Variants in KCMF1 observed in about 807,000 individuals in gnomAD.
The protein encoded by KCMF1 is E3 ubiquitin-protein ligase KCMF1.
In KCMF1, 3 loss-of-function variants were observed where a neutral mutation model predicts 41.1. That is an observed-to-expected ratio of 0.07 (90% CI 0.03 to 0.19). The LOEUF is 0.19. KCMF1 is among the 10% of genes least tolerant of loss of function. KCMF1 has a pLI of 1.00. For missense variants in KCMF1, 286 were observed against 488.9 expected, an observed-to-expected ratio of 0.58 and a Z score of 3.91; for synonymous variants, 142 against 164.5, an observed-to-expected ratio of 0.86 and a Z score of 1.04.
chr2:85,004,134 A>C (rs938853870), intron 1 of KCMF1, among the ~76,000 whole-genome samples: 1 of 152,196 alleles, frequency 6.6e-6, no homozygotes, highest in Non-Finnish European at 1.5e-5. Flanking sequence ...AGGTAGTTTA[A>C]AACTTATGAA....
At chr2:85,038,886 A>T (rs1452486440) in intron 3 of KCMF1, among the ~76,000 whole-genome samples, 3 of 152,060 alleles carry the variant, frequency 2.0e-5, no homozygotes, top group South Asian at 2.1e-4. Flanking sequence ...ATACCAATTT[A>T]AAAAAAATAT....
At chr2:85,033,202 A>G (rs943798190) in intron 2 of KCMF1, among the ~76,000 whole-genome samples, 44 of 152,366 alleles carry the variant, frequency 2.9e-4, no homozygotes, top group African/African-American at 9.4e-4. Context: ...CTCCCTAAAA[A>G]TGAATATGAA....
chr2:85,042,030 G>C (rs1019085457), intron 3 of KCMF1, among the ~76,000 whole-genome samples: 1 of 152,132 alleles, frequency 6.6e-6, no homozygotes, highest in African/African-American at 2.4e-5. Context: ...TTCTGACAGA[G>C]GAAAGAATCT....
chr2:85,053,337 A>T lies in KCMF1; in HGVS notation c.1074A>T (p.Leu358Phe). Residue 358 changes from leucine to phenylalanine, a missense_variant, in exon 7 of 7, where the codon TTA becomes TTT. This residue lies in a region of KCMF1 where 191 missense variants were observed against 279.3 expected (regional missense o/e 0.68). Coordinates refer to ENST00000409785, the MANE Select transcript of KCMF1 (RefSeq NM_020122.5). ...GAMGCVDIMP[L>F]DVALENLNLK... is the part of the protein sequence containing the mutation. ...TGGGCTGTGTAGATATTATGCCTTT[A>T]GATGTTGCTTTAGAAAACCTAAATT... 1 of 1,613,758 alleles carries T rather than the reference A, an allele frequency of 6.2e-7. No homozygotes were observed.
Position 85,049,523 on chromosome 2 carries a change from C to T in KCMF1, c.759C>T (p.Asn253=), listed in dbSNP as rs11554335. 4.2e-4 allele frequency: 672 copies of T among 1,614,032 alleles called. 6 individuals carry two copies. The African/African-American group carries it at 7.4e-3, about 18-fold the overall frequency. Residue 253 remains asparagine, a synonymous_variant, in exon 6 of 7, where the codon AAC becomes AAT. Coordinates refer to ENST00000409785, the MANE Select transcript of KCMF1 (RefSeq NM_020122.5). ...AARQQLETAR[N]ATRRTNTSSV... Reference sequence around the variant, plus strand: ...GGCAACAACTGGAGACCGCACGCAACGCAACCCGGCGTACTAACACAAGCA... The same window carrying T: ...GGCAACAACTGGAGACCGCACGCAATGCAACCCGGCGTACTAACACAAGCA...
intron 1 of KCMF1, among the ~76,000 whole-genome samples, chr2:85,025,714 TTC>T: frequency 6.6e-6 from 1 of 152,176 alleles, no homozygotes; most frequent in East Asian, 1.9e-4. Context: ...GTTCAAGTGA[TTC>T]TCTTCCCTCA....
chr2:84,992,574 A>G (rs1465579201), intron 1 of KCMF1, among the ~76,000 whole-genome samples: 1 of 151,792 alleles, frequency 6.6e-6, no homozygotes, highest in Non-Finnish European at 1.5e-5. Context: ...GCTGTCTACC[A>G]TCCTTATAAA....
intron 1 of KCMF1, among the ~76,000 whole-genome samples, chr2:84,997,017 A>G (rs1161170090): frequency 6.6e-6 from 1 of 152,230 alleles, no homozygotes; most frequent in Non-Finnish European, 1.5e-5. Context: ...GTAGGTAATT[A>G]TAACAGAATA....
intron 1 of KCMF1, among the ~76,000 whole-genome samples, chr2:85,010,980 A>T (rs886780324): frequency 6.6e-6 from 1 of 151,698 alleles, no homozygotes; most frequent in Non-Finnish European, 1.5e-5. Context: ...AGTAGCTGGG[A>T]CTATAGGCGC....
intron 1 of KCMF1, among the ~76,000 whole-genome samples, chr2:85,027,438 C>T (rs1010233716): frequency 7.2e-6 from 1 of 138,114 alleles, no homozygotes; most frequent in East Asian, 2.2e-4. Flanking sequence ...TGCAGTGGCG[C>T]GATCTCAGCT....
intron 1 of KCMF1, among the ~76,000 whole-genome samples, chr2:84,988,390 A>G (rs1035581597): frequency 7.2e-5 from 11 of 152,238 alleles, no homozygotes; most frequent in African/African-American, 2.7e-4. Flanking sequence ...TTTCACATGT[A>G]CCAACTCATT....
At position 85,056,097 on chromosome 2, in the gene KCMF1, T is replaced by C. The variant is rs1325401557; in HGVS notation, c.*2688T>C. The C allele has an allele frequency of 6.7e-6, 1 of 150,144 alleles. No homozygotes were observed. Among genetic ancestry groups the C allele is most frequent in the Non-Finnish European group, 1.5e-5 (1 of 67,878 alleles). 9.3% of individuals were successfully genotyped at this position (150,144 alleles called of 1,614,324 possible). A position where few individuals can be genotyped will look rare whatever the true frequency, so the allele number is the denominator to read the frequency against. ...GGCTACCGTGAAATCTTTGTATTTA[T>C]ATTGCATTGTTTTGTTAAAAAAAAA... On this transcript the variant is annotated 3_prime_UTR_variant, in exon 7 of 7. Transcript: ENST00000409785.
intron 3 of KCMF1, among the ~76,000 whole-genome samples, chr2:85,041,311 C>A (rs1296465427): frequency 2.0e-5 from 3 of 152,136 alleles, no homozygotes; most frequent in African/African-American, 7.2e-5. Flanking sequence ...AAGGAAGGAT[C>A]TTGATTTTAT....
In KCMF1 at chr2:85,055,887, G is replaced by A. The variant is rs1252917538; in HGVS notation, c.*2478G>A. 1 of 152,122 alleles carries A rather than the reference G, an allele frequency of 6.6e-6. No individual in the cohort carries two copies. The highest frequency in any genetic ancestry group is 2.4e-5 in the African/African-American group (1 of 41,432). 9.4% of individuals were successfully genotyped at this position (152,122 alleles called of 1,614,324 possible). A position where few individuals can be genotyped will look rare whatever the true frequency, so the allele number is the denominator to read the frequency against. ...TTTTGAGAATTTTTTGTTTCGTTGA[G>A]TTTTGAGTGTCTAGGATATAAGTTT... On this transcript the variant is annotated 3_prime_UTR_variant, in exon 7 of 7. Coordinates refer to ENST00000409785, the MANE Select transcript of KCMF1 (RefSeq NM_020122.5).
intron 1 of KCMF1, among the ~76,000 whole-genome samples, chr2:84,980,021 T>C (rs1673666951): frequency 6.6e-6 from 1 of 150,690 alleles, no homozygotes; most frequent in Non-Finnish European, 1.5e-5. Flanking sequence ...GTAGTAGAGA[T>C]GGTGTTTCTC....
At position 85,058,575 on chromosome 2, in the gene KCMF1, A is replaced by G. The variant is rs1675994334; in HGVS notation, c.*5166A>G. ...GTTGGCTCCTCTGTCTATAGAAACCATCAGTTCGCTGCTCTCTCATTCATA... is the reference window on the plus strand; with the variant it reads ...GTTGGCTCCTCTGTCTATAGAAACCGTCAGTTCGCTGCTCTCTCATTCATA... On this transcript the variant is annotated 3_prime_UTR_variant, in exon 7 of 7. Transcript: ENST00000409785. The G allele has an allele frequency of 1.3e-5, 2 of 152,210 alleles. No individual in the cohort carries two copies. The highest frequency in any genetic ancestry group is 2.9e-5 in the Non-Finnish European group (2 of 68,028). The allele number at this position is 152,210 out of a possible 1,614,324, so 9.4% of individuals were successfully genotyped here. A position where few individuals can be genotyped will look rare whatever the true frequency, so the allele number is the denominator to read the frequency against.
chr2:85,007,443 C>T (rs145319846), intron 1 of KCMF1, among the ~76,000 whole-genome samples: 2 of 152,288 alleles, frequency 1.3e-5, no homozygotes, highest in Admixed American at 6.5e-5. Flanking sequence ...ATATATGGAG[C>T]GTTTAGCAGG....
chr2:85,029,830 C>T lies in KCMF1; in HGVS notation c.184+1774C>T, dbSNP rs560482445. Among the ~76,000 whole-genome samples, 44 of 151,154 alleles carry T rather than the reference C, an allele frequency of 2.9e-4. 1 individual carries two copies. Among genetic ancestry groups the T allele is most frequent in the African/African-American group, 8.3e-4 (34 of 41,208 alleles). ...CTGAATAGCTGGGATTACAGGTGCC[C>T]GCCACCATGCCCAGAAAATTTTTTT... On this transcript the variant is annotated intron_variant, in intron 2 of 6. Coordinates refer to ENST00000409785, the MANE Select transcript of KCMF1 (RefSeq NM_020122.5).
chr2:85,050,482 C>G (rs1675780687), intron 6 of KCMF1, among the ~76,000 whole-genome samples: 1 of 152,138 alleles, frequency 6.6e-6, no homozygotes, highest in African/African-American at 2.4e-5. Flanking sequence ...GTAAACTACT[C>G]TACTAGATGG....
Sources: gnomAD v4.1 joint callset for allele counts (sites outside exome capture counted in the v4.1 genomes callset) on GRCh38, gnomAD v4.1.1 for gene constraint, gnomAD v4.1.1 regional missense constraint, MANE v1.5 for transcripts, NCBI Gene and HGNC (gene_info 2026-07-23, HGNC 2026-07-21) for gene names.